ARMC2: variants seen among roughly 807,000 people sequenced by gnomAD.
The protein encoded by ARMC2 is armadillo repeat containing 2, also known as armadillo repeat-containing protein 2.
In ARMC2, 67 loss-of-function variants were observed where a neutral mutation model predicts 90.3. The ratio of observed to expected loss-of-function variants is 0.74; its 90% CI spans 0.61 to 0.91. The LOEUF (loss-of-function observed/expected upper bound fraction) is 0.91, where lower values mean the gene tolerates loss of function less well. Ranked by LOEUF, ARMC2 falls within the 40% of genes least tolerant of loss-of-function variation. The probability of loss-of-function intolerance (pLI) is 0.00; values close to 1 mark genes in which losing one functional copy is unlikely to be tolerated. For missense variants in ARMC2, 920 were observed against 1,030.9 expected, an observed-to-expected ratio of 0.89 and a Z score of 1.47; for synonymous variants, 393 against 393.0, an observed-to-expected ratio of 1.00 and a Z score of 0.00.
chr6:108,902,957 T>G (rs1298526075), intron 7 of ARMC2, among the ~76,000 whole-genome samples: 3 of 152,072 alleles, frequency 2.0e-5, no homozygotes, highest in African/African-American at 7.2e-5. Flanking sequence ...CACTTGAGAT[T>G]AGGAGTTTGA....
intron 12 of ARMC2, among the ~76,000 whole-genome samples, chr6:108,941,023 A>G (rs9480896): frequency 0.044 from 6,669 of 152,264 alleles, 192 homozygotes; most frequent in African/African-American, 0.085. Flanking sequence ...TTAGAAGGCT[A>G]AGGCGGGAGG....
In ARMC2 at chr6:108,848,448, C is replaced by G. The variant is rs755058995; in HGVS notation, c.-142C>G. On this transcript the variant is annotated 5_prime_UTR_variant, in exon 1 of 18. Transcript: ENST00000392644. ...GTGGCCGAGCGGCGTCGTGGGGTTA[C>G]CCCGCCCGCGCCAGCGCTGCATCCC... 6 of 152,434 alleles carry G rather than the reference C, an allele frequency of 3.9e-5. No individual in the cohort carries two copies. In the East Asian group the frequency reaches 9.6e-4, roughly 24 times the overall value. The allele number at this position is 152,434 out of a possible 1,614,324, so 9.4% of individuals were successfully genotyped here. A position where few individuals can be genotyped will look rare whatever the true frequency, so the allele number is the denominator to read the frequency against.
chr6:108,862,283 G>T (rs1582941732), intron 3 of ARMC2, among the ~76,000 whole-genome samples: 1 of 138,368 alleles, frequency 7.2e-6, no homozygotes, highest in Admixed American at 7.7e-5. Context: ...GGCAGAGGTT[G>T]CAGTGAGCCA....
At chr6:108,868,345 T>G (rs1019841541) in intron 3 of ARMC2, among the ~76,000 whole-genome samples, 5 of 151,992 alleles carry the variant, frequency 3.3e-5, no homozygotes, top group African/African-American at 1.2e-4. Context: ...GCCTACTGAG[T>G]AGCTGGGACT....
the ARMC2 span, among the ~76,000 whole-genome samples, chr6:109,005,707 C>T: frequency 6.1e-3 from 934 of 152,244 alleles, 11 homozygotes; most frequent in African/African-American, 0.021. Flanking sequence ...CACTGTCTCC[C>T]CTCTTCCTTA....
chr6:108,970,269 A>G (rs556008419), intron 17 of ARMC2, among the ~76,000 whole-genome samples: 2 of 152,126 alleles, frequency 1.3e-5, no homozygotes, highest in Non-Finnish European at 2.9e-5. Flanking sequence ...TGGATTAACT[A>G]TAGGCTGGGC....
rs750509903 is a variant in ARMC2 at position 108,876,208 on chromosome 6, A to G, written c.529A>G (p.Ile177Val). 6.2e-7 allele frequency: 1 copy of G among 1,612,990 alleles called. No homozygotes were observed. Among genetic ancestry groups the G allele is most frequent in the Non-Finnish European group, 8.5e-7 (1 of 1,179,570 alleles). ...GGACTCTATGGTGAAAATAAATGGG[A>G]TTTATTTAACAAAATCAAATGCTAT... ...MGDSMVKING[I>V]YLTKSNAICH... The change falls in exon 5 of 18, where the codon ATT becomes GTT. Residue 177 changes from isoleucine to valine, a missense_variant. Coordinates refer to ENST00000392644, the MANE Select transcript of ARMC2 (RefSeq NM_032131.6).
Position 108,854,435 on chromosome 6 carries a change from C to A in ARMC2, c.168C>A (p.Phe56Leu), listed in dbSNP as rs916604399. 1.1e-5 allele frequency: 18 copies of A among 1,613,462 alleles called. No individual in the cohort carries two copies. The Admixed American group carries it at 3.0e-4, about 27-fold the overall frequency. ...FTPQEAQRKL[F>L]GPASSRTSEN... ...CACAGGAGGCTCAAAGAAAACTATT[C>A]GGACCTGCATCCTCAAGAACATCAG... Residue 56 changes from phenylalanine to leucine, a missense_variant, in exon 2 of 18, where the codon TTC (phenylalanine) becomes TTA (leucine). Coordinates refer to ENST00000392644, the MANE Select transcript of ARMC2 (RefSeq NM_032131.6).
chr6:108,882,207 C>T (rs1370459695), intron 5 of ARMC2, among the ~76,000 whole-genome samples: 2 of 151,650 alleles, frequency 1.3e-5, no homozygotes, highest in East Asian at 1.9e-4. Context: ...GAGGCCGAGG[C>T]GGGCAGATCA....
Position 108,854,402 on chromosome 6 carries a change from A to G in ARMC2, c.135A>G (p.Pro45=), listed in dbSNP as rs1774322411. ...TAAGAACAGTTAGAACCCAAAGACC[A>G]TTTACACCACAGGAGGCTCAAAGAA... ...NALRTVRTQR[P]FTPQEAQRKL... Residue 45 remains proline (P), a synonymous_variant, in exon 2 of 18, where the codon CCA becomes CCG. Transcript: ENST00000392644. The G allele has an allele frequency of 1.9e-6, 3 of 1,613,360 alleles. No homozygotes were observed. The highest frequency in any genetic ancestry group is 1.3e-5 in the African/African-American group (1 of 74,770).
At chr6:108,879,362 C>T (rs1421256478) in intron 5 of ARMC2, among the ~76,000 whole-genome samples, 1 of 150,772 alleles carries the variant, frequency 6.6e-6, no homozygotes, top group Non-Finnish European at 1.5e-5. Context: ...CTAGCACCTA[C>T]CCATCCACCT....
At chr6:108,959,640 ATTCT>A (rs1422672258) in intron 13 of ARMC2, 3 of 151,970 alleles carry the variant, frequency 2.0e-5, no homozygotes, top group African/African-American at 7.3e-5. Context: ...CGGGCTCGTG[ATTCT>A]TTCTCTGATT....
At chr6:108,878,794 C>A (rs556870234) in intron 5 of ARMC2, among the ~76,000 whole-genome samples, 1 of 152,180 alleles carries the variant, frequency 6.6e-6, no homozygotes, top group Non-Finnish European at 1.5e-5. Context: ...CAGACTTGCT[C>A]CTCAGGAATA....
At position 108,861,992 on chromosome 6, in the gene ARMC2, T is replaced by C. The variant is rs116250520; in HGVS notation, c.291+3721T>C. ...CTAAGACAAGATAGGCATTTATCTG[T>C]TTAGGGTCATTGAACTTAAATTTCC... On this transcript the variant is annotated intron_variant, in intron 3 of 17. Coordinates refer to ENST00000392644, the MANE Select transcript of ARMC2 (RefSeq NM_032131.6). Among the ~76,000 whole-genome samples the C allele has an allele frequency of 4.1e-3, 622 of 152,258 alleles. 2 individuals are homozygous for C. Among genetic ancestry groups the C allele is most frequent in the African/African-American group, 0.014 (583 of 41,564 alleles).
chr6:108,934,739 G>A (rs1173657140), intron 11 of ARMC2, among the ~76,000 whole-genome samples: 1 of 152,060 alleles, frequency 6.6e-6, no homozygotes, highest in Non-Finnish European at 1.5e-5. Context: ...TTATGTTTTT[G>A]TAGGAATTTG....
At chr6:108,895,819 T>C (rs1771555051) in intron 6 of ARMC2, among the ~76,000 whole-genome samples, 1 of 152,172 alleles carries the variant, frequency 6.6e-6, no homozygotes, top group Admixed American at 6.5e-5. Context: ...GGATTTAGGA[T>C]GGTGGTAACC....
At chr6:108,986,286 G>GAA in the ARMC2 span, among the ~76,000 whole-genome samples, 1 of 152,178 alleles carries the variant, frequency 6.6e-6, no homozygotes, top group Non-Finnish European at 1.5e-5. Context: ...AGATTCTAAA[G>GAA]AAAGTCCACT....
At chr6:108,966,631 T>A (rs986698429) in intron 17 of ARMC2, among the ~76,000 whole-genome samples, 2 of 149,484 alleles carry the variant, frequency 1.3e-5, no homozygotes, top group African/African-American at 2.5e-5. Flanking sequence ...AAAGTGAGCA[T>A]TTTTTTTTAA....
chr6:108,876,187 T>A lies in ARMC2; in HGVS notation c.508T>A (p.Ser170Thr). The part of the protein sequence containing the change: ...ESKETVMMGD[S>T]MVKINGIYLT... ...CAAAGAAACAGTTATGATGGGGGAC[T>A]CTATGGTGAAAATAAATGGGATTTA... Residue 170 changes from serine (S) to threonine (T), a missense_variant, in exon 5 of 18, where the codon TCT (serine) becomes ACT (threonine). Physicochemically the swap from Ser to Thr is moderately conservative, Grantham distance 58. Coordinates refer to ENST00000392644, the MANE Select transcript of ARMC2 (RefSeq NM_032131.6). 6.2e-7 allele frequency: 1 copy of A among 1,612,866 alleles called. No individual in the cohort carries two copies. Among genetic ancestry groups the A allele is most frequent in the Non-Finnish European group, 8.5e-7 (1 of 1,179,534 alleles).
Sources: gnomAD v4.1 joint callset for allele counts (sites outside exome capture counted in the v4.1 genomes callset) on GRCh38, gnomAD v4.1.1 for gene constraint, MANE v1.5 for transcripts, NCBI Gene and HGNC (gene_info 2026-07-23, HGNC 2026-07-21) for gene names.